TAFA2: variants seen among roughly 807,000 people sequenced by gnomAD.
TAFA2 encodes the protein chemokine-like protein TAFA-2.
In TAFA2, 7 loss-of-function variants were observed where a neutral mutation model predicts 18.8. That is an observed-to-expected ratio of 0.37 (90% CI 0.21 to 0.70). The LOEUF (loss-of-function observed/expected upper bound fraction) is 0.70, where lower values mean the gene tolerates loss of function less well. Among genes scored for constraint, TAFA2 ranks in the 30% least tolerant of loss-of-function variants. TAFA2 has a pLI of 0.53. For synonymous variants in TAFA2, 60 were observed against 54.2 expected, an observed-to-expected ratio of 1.11 and a Z score of -0.47; for missense variants, 122 against 158.1, an observed-to-expected ratio of 0.77 and a Z score of 1.23.
chr12:61,767,157 G>A (rs1444301843), intron 2 of TAFA2, among the ~76,000 whole-genome samples: 2 of 152,246 alleles, frequency 1.3e-5, no homozygotes, highest in African/African-American at 2.4e-5. Context: ...ATCAATGAAA[G>A]CCTGCTCATC....
chr12:62,021,639 G>T (rs1197654352), intron 1 of TAFA2: 8 of 1,172,398 alleles, frequency 6.8e-6, no homozygotes, highest in Non-Finnish European at 9.0e-6. Flanking sequence ...AGATGGGGTG[G>T]TGTGCAGTAT....
chr12:61,922,947 G>A (rs887417497), intron 1 of TAFA2, among the ~76,000 whole-genome samples: 1 of 152,150 alleles, frequency 6.6e-6, no homozygotes, highest in Non-Finnish European at 1.5e-5. Context: ...TTCAGTAGGG[G>A]ATCTTCCCCG....
intron 2 of TAFA2, among the ~76,000 whole-genome samples, chr12:61,759,097 G>C (rs1869414702): frequency 6.6e-6 from 1 of 151,946 alleles, no homozygotes; most frequent in Admixed American, 6.6e-5. Context: ...TGTATTTCAA[G>C]GAGATTTTAT....
chr12:61,903,235 G>A (rs1876191358), intron 1 of TAFA2, among the ~76,000 whole-genome samples: 1 of 151,860 alleles, frequency 6.6e-6, no homozygotes, highest in Non-Finnish European at 1.5e-5. Flanking sequence ...AGACTACTAG[G>A]GATCTGGCCT....
intron 1 of TAFA2, among the ~76,000 whole-genome samples, chr12:62,039,320 C>A (rs1881695731): frequency 6.6e-6 from 1 of 152,136 alleles, no homozygotes; most frequent in African/African-American, 2.4e-5. Flanking sequence ...TGGAGCACTC[C>A]ATGAAAACCG....
At chr12:61,751,235 C>T (rs549534870) in intron 4 of TAFA2, among the ~76,000 whole-genome samples, 1 of 152,084 alleles carries the variant, frequency 6.6e-6, no homozygotes, top group African/African-American at 2.4e-5. Flanking sequence ...AGCCTGATGA[C>T]CTTGAAAACT....
At chr12:62,213,031 TA>T (rs2062720351) in intron 1 of TAFA2, among the ~76,000 whole-genome samples, 1 of 152,222 alleles carries the variant, frequency 6.6e-6, no homozygotes, top group Non-Finnish European at 1.5e-5. Context: ...TGAAATTATA[TA>T]AAATAGAGGC....
rs147718987 is a variant in TAFA2 at position 61,863,173 on chromosome 12, G to A, written c.106+4147C>T. On this transcript the variant is annotated intron_variant, in intron 2 of 4. Coordinates refer to ENST00000416284, the MANE Select transcript of TAFA2 (RefSeq NM_178539.5). The stretch of plus-strand genomic sequence containing the variant: ...CACTAAACACAGAGCTACAGCTGTT[G>A]CCTGATCATCAATCAGTCTGTGCTC... 6.4e-3 allele frequency among the ~76,000 whole-genome samples: 977 copies of A among 152,302 alleles called. 2 individuals are homozygous for A. Among genetic ancestry groups the A allele is most frequent in the Non-Finnish European group, 0.011 (729 of 68,026 alleles).
chr12:61,850,243 G>T (rs1301413278), intron 2 of TAFA2, among the ~76,000 whole-genome samples: 6 of 151,998 alleles, frequency 3.9e-5, no homozygotes, highest in Non-Finnish European at 8.8e-5. Context: ...AAAAAAGATT[G>T]ACAAGCACTT....
At chr12:61,799,322 AT>A (rs1410245565) in intron 2 of TAFA2, among the ~76,000 whole-genome samples, 1 of 152,160 alleles carries the variant, frequency 6.6e-6, no homozygotes, top group Non-Finnish European at 1.5e-5. Context: ...TATAAGTGTT[AT>A]TAACCATTTA....
chr12:61,721,753 C>T (rs565464758), intron 4 of TAFA2, among the ~76,000 whole-genome samples: 3 of 152,100 alleles, frequency 2.0e-5, no homozygotes, highest in South Asian at 2.1e-4. Flanking sequence ...GTCAGGAGTT[C>T]GAGACCAGCC....
intron 1 of TAFA2, among the ~76,000 whole-genome samples, chr12:62,146,955 G>T (rs753077352): frequency 9.9e-5 from 15 of 151,854 alleles, no homozygotes; most frequent in Non-Finnish European, 2.2e-4. Context: ...ACTAATACTG[G>T]TATAAAAATA....
intron 2 of TAFA2, among the ~76,000 whole-genome samples, chr12:61,770,543 C>T (rs186361182): frequency 2.6e-5 from 4 of 152,096 alleles, no homozygotes; most frequent in African/African-American, 9.7e-5. Context: ...GATTTCTCAA[C>T]AGAAGCTATA....
At chr12:62,247,069 T>A (rs2062890148) in intron 1 of TAFA2, among the ~76,000 whole-genome samples, 1 of 152,322 alleles carries the variant, frequency 6.6e-6, no homozygotes, top group African/African-American at 2.4e-5. Flanking sequence ...ATTGCTTCTT[T>A]TTCCTGCATG....
In TAFA2 at chr12:62,199,455, C is replaced by T. The variant is rs1290607138; in HGVS notation, c.-130+59308G>A. On this transcript the variant is annotated intron_variant, in intron 1 of 5. Coordinates refer to the TAFA2 transcript ENST00000551619. The stretch of plus-strand genomic sequence containing the variant: ...GCTCCCACTTATAAATGAGAACATG[C>T]GGTGTTTGGTGTTCTGTTCCTGTGT... Among the ~76,000 whole-genome samples the T allele has an allele frequency of 6.6e-5, 10 of 152,164 alleles. 1 individual carries two copies. Among genetic ancestry groups the T allele is most frequent in the African/African-American group, 1.4e-4 (6 of 41,536 alleles).
chr12:62,003,762 C>A (rs564587780), intron 1 of TAFA2, among the ~76,000 whole-genome samples: 1 of 152,186 alleles, frequency 6.6e-6, no homozygotes, highest in Non-Finnish European at 1.5e-5. Context: ...ATTCCAAGTA[C>A]CATGAGCAAT....
At chr12:61,792,450 A>G (rs1455094995) in intron 2 of TAFA2, among the ~76,000 whole-genome samples, 1 of 151,702 alleles carries the variant, frequency 6.6e-6, no homozygotes, top group Admixed American at 6.6e-5. Flanking sequence ...TTTGCTAATT[A>G]CTATGATTTG....
intron 1 of TAFA2, among the ~76,000 whole-genome samples, chr12:62,255,770 C>G (rs537613793): frequency 6.6e-6 from 1 of 152,234 alleles, no homozygotes; most frequent in African/African-American, 2.4e-5. Flanking sequence ...ACGAGAATCT[C>G]TTGAACTTGA....
chr12:62,214,957 A>G (rs1325099388), intron 1 of TAFA2, among the ~76,000 whole-genome samples: 1 of 152,202 alleles, frequency 6.6e-6, no homozygotes, highest in Non-Finnish European at 1.5e-5. Flanking sequence ...TAAAGGCTCC[A>G]TTTATTTTGA....
Sources: gnomAD v4.1 joint callset for allele counts (sites outside exome capture counted in the v4.1 genomes callset) on GRCh38, gnomAD v4.1.1 for gene constraint, MANE v1.5 for transcripts, NCBI Gene and HGNC (gene_info 2026-07-23, HGNC 2026-07-21) for gene names.